OVOL2: variants seen among roughly 807,000 people sequenced by gnomAD.
OVOL2 encodes the protein ovo like zinc finger 2.
Under a neutral mutation model 18.1 loss-of-function variants are expected in OVOL2, and 13 were observed. The observed-to-expected ratio is 0.72, with a 90% CI of 0.47 to 1.14. The LOEUF (loss-of-function observed/expected upper bound fraction) is 1.14. Among genes scored for constraint, OVOL2 ranks in the 50% most tolerant of loss-of-function variants. The pLI, the probability that OVOL2 is intolerant of heterozygous loss-of-function variation, is 0.00. For synonymous variants in OVOL2, 166 were observed against 162.7 expected (o/e 1.02, Z -0.16); for missense variants, 335 against 383.0 (o/e 0.87, Z 1.05).
chr20:18,030,667 C>CT (rs11481109), intron 3 of OVOL2, among the ~76,000 whole-genome samples: 20,677 of 152,106 alleles, frequency 0.14, 1,554 homozygotes, highest in East Asian at 0.31. Context: ...GCAGTGGGGG[C>CT]TTTTTTTCCA....
At chr20:18,054,148 C>T (rs1568640741) in intron 2 of OVOL2, among the ~76,000 whole-genome samples, 1 of 152,228 alleles carries the variant, frequency 6.6e-6, no homozygotes, top group Non-Finnish European at 1.5e-5. Flanking sequence ...GTTCTACCCT[C>T]CACTCATTTA....
chr20:18,024,457 C>G lies in OVOL2; in HGVS notation c.*179G>C. ...ACAGGACACAGGTTACAGGGCCTGA[C>G]GTCACTAACGGCAACTGACAATCTT... On this transcript the variant is annotated 3_prime_UTR_variant, in exon 4 of 4. Transcript: ENST00000278780. The G allele has an allele frequency of 7.5e-7, 1 of 1,330,040 alleles. No homozygotes were observed. The allele number at this position is 1,330,040 out of a possible 1,614,324, so 82.4% of individuals were successfully genotyped here. A position where few individuals can be genotyped will look rare whatever the true frequency, so the allele number is the denominator to read the frequency against.
At position 18,056,400 on chromosome 20, in the gene OVOL2, T is replaced by A. The variant is rs906391899; in HGVS notation, c.321+257A>T. 3.3e-5 allele frequency among the ~76,000 whole-genome samples: 5 copies of A among 151,966 alleles called. No homozygotes were observed. The highest frequency in any genetic ancestry group is 1.2e-4 in the African/African-American group (5 of 41,318). On this transcript the variant is annotated intron_variant, in intron 2 of 3. Coordinates refer to ENST00000278780, the MANE Select transcript of OVOL2 (RefSeq NM_021220.4). The surrounding 1 kb of genome is among the most constrained non-coding windows in gnomAD (Gnocchi z 4.2). ...GCAGTTCCAGAGGCAGCACTCGGCA[T>A]CAGGCGGGGCCACCGGGAGGACGGA...
In OVOL2 at chr20:18,056,847, G is replaced by T; in HGVS notation, c.131C>A (p.Pro44His). 2 of 1,487,926 alleles carry T rather than the reference G, an allele frequency of 1.3e-6. No individual in the cohort carries two copies. The highest frequency in any genetic ancestry group is 1.8e-6 in the Non-Finnish European group (2 of 1,127,136). 92.2% of individuals were successfully genotyped at this position (1,487,926 alleles called of 1,614,324 possible). Reference protein sequence around the residue: ...VGLGRLLHDPPEDCRSDGGSS... With the variant: ...VGLGRLLHDPHEDCRSDGGSS... ...GCCGCCGTCGCTGCGGCAGTCCTCG[G>T]GGGGGTCGTGGAGCAGGCGGCCTAG... The change falls in exon 2 of 4, where the codon CCC (proline) becomes CAC (histidine). Residue 44 changes from proline to histidine, a missense_variant. Coordinates refer to ENST00000278780, the MANE Select transcript of OVOL2 (RefSeq NM_021220.4). The surrounding 1 kb of genome is among the most constrained non-coding windows in gnomAD (Gnocchi z 4.2).
At position 18,024,199 on chromosome 20, in the gene OVOL2, A is replaced by G. The variant is rs545569786; in HGVS notation, c.*437T>C. 1 of 162,600 alleles carries G rather than the reference A, an allele frequency of 6.2e-6. No individual in the cohort carries two copies. Among genetic ancestry groups the G allele is most frequent in the South Asian group, 1.7e-4 (1 of 5,788 alleles). The allele number at this position is 162,600 out of a possible 1,614,324, so 10.1% of individuals were successfully genotyped here. A position where few individuals can be genotyped will look rare whatever the true frequency, so the allele number is the denominator to read the frequency against. On this transcript the variant is annotated 3_prime_UTR_variant, in exon 4 of 4. Transcript: ENST00000278780. ...AAAGCTTCACAAGAACATTTCATTT[A>G]TTAAAATAGTTTCTGTAAACTCTTT...
Position 18,057,460 on chromosome 20 carries a change from G to A in OVOL2, c.100+75C>T, listed in dbSNP as rs2036840465. Reference sequence around the variant, plus strand: ...AGGTGGGGAGCCCGCCCCTGCCGATGAGCAGAGAAGACCCGCCACCCCTTC... The same window carrying A: ...AGGTGGGGAGCCCGCCCCTGCCGATAAGCAGAGAAGACCCGCCACCCCTTC... On this transcript the variant is annotated intron_variant, in intron 1 of 3. Coordinates refer to ENST00000278780, the MANE Select transcript of OVOL2 (RefSeq NM_021220.4). The surrounding 1 kb of genome is among the most constrained non-coding windows in gnomAD (Gnocchi z 6.3). The A allele has an allele frequency of 3.4e-6, 5 of 1,487,682 alleles. No homozygotes were observed. The highest frequency in any genetic ancestry group is 1.4e-5 in the African/African-American group (1 of 70,748). The allele number at this position is 1,487,682 out of a possible 1,614,324, so 92.2% of individuals were successfully genotyped here. A position where few individuals can be genotyped will look rare whatever the true frequency, so the allele number is the denominator to read the frequency against.
At chr20:18,048,200 T>A (rs2036741302) in intron 2 of OVOL2, among the ~76,000 whole-genome samples, 1 of 151,538 alleles carries the variant, frequency 6.6e-6, no homozygotes, top group African/African-American at 2.4e-5. Context: ...GGCACGAGAA[T>A]CACTTGAACC....
Position 18,024,443 on chromosome 20 carries a change from G to A in OVOL2, c.*193C>T. On this transcript the variant is annotated 3_prime_UTR_variant, in exon 4 of 4. Transcript: ENST00000278780. The stretch of plus-strand genomic sequence containing the variant: ...AGCAACTGCGCCAGACAGGACACAG[G>A]TTACAGGGCCTGACGTCACTAACGG... 1 of 1,263,354 alleles carries A rather than the reference G, an allele frequency of 7.9e-7. No individual in the cohort carries two copies. Among genetic ancestry groups the A allele is most frequent in the South Asian group, 1.8e-5 (1 of 56,350 alleles). 78.3% of individuals were successfully genotyped at this position (1,263,354 alleles called of 1,614,324 possible).
In OVOL2 at chr20:18,024,594, CAT is replaced by C; in HGVS notation, c.*40_*41del. The stretch of plus-strand genomic sequence containing the variant: ...GCTGAAAACCAAAAATCCACGTAGA[CAT>C]ACGTGGCAGTGTGAACGTCTGTCCT... On this transcript the variant is annotated 3_prime_UTR_variant, in exon 4 of 4. Transcript: ENST00000278780. The C allele has an allele frequency of 6.6e-7, 1 of 1,509,346 alleles. No individual in the cohort carries two copies. Among genetic ancestry groups the C allele is most frequent in the Non-Finnish European group, 8.9e-7 (1 of 1,124,668 alleles). The allele number at this position is 1,509,346 out of a possible 1,614,324, so 93.5% of individuals were successfully genotyped here. A position where few individuals can be genotyped will look rare whatever the true frequency, so the allele number is the denominator to read the frequency against.
intron 3 of OVOL2, among the ~76,000 whole-genome samples, chr20:18,031,935 C>CTA: frequency 6.6e-6 from 1 of 152,314 alleles, no homozygotes; most frequent in East Asian, 1.9e-4. Context: ...GCTTTCCTTG[C>CTA]TATAGCTCAA....
At chr20:18,035,427 C>T (rs2036607628) in intron 3 of OVOL2, among the ~76,000 whole-genome samples, 1 of 152,190 alleles carries the variant, frequency 6.6e-6, no homozygotes, top group Non-Finnish European at 1.5e-5. Context: ...CACTGTACTC[C>T]AGCCTGGGCA....
intron 3 of OVOL2, among the ~76,000 whole-genome samples, chr20:18,032,355 AAAG>A (rs2036578880): frequency 7.0e-6 from 1 of 143,648 alleles, no homozygotes; most frequent in African/African-American, 2.8e-5. Flanking sequence ...AAAGAAAAGA[AAAG>A]AAAAAAGAAG....
In OVOL2 at chr20:18,053,487, G is replaced by T. The variant is rs547561166; in HGVS notation, c.321+3170C>A. On this transcript the variant is annotated intron_variant, in intron 2 of 3. Transcript: ENST00000278780. Reference sequence around the variant, plus strand: ...AGGCCAAGGTGGGCAGATCACCTGAGGTCAGGAGTTCAAGACCAGCCTGGA... The same window carrying T: ...AGGCCAAGGTGGGCAGATCACCTGATGTCAGGAGTTCAAGACCAGCCTGGA... Among the ~76,000 whole-genome samples, 3 of 152,212 alleles carry T rather than the reference G, an allele frequency of 2.0e-5. No individual in the cohort carries two copies. The East Asian group carries it at 5.8e-4, about 29-fold the overall frequency.
Position 18,057,599 on chromosome 20 carries a change from C to T in OVOL2, c.36G>A (p.Leu12=), listed in dbSNP as rs761611417. The stretch of plus-strand genomic sequence containing the variant: ...CATCCCAGCTGCGGACCGAGACCCC[C>T]AGGCTCCTCCTCTTCACCAGGAAGA... The part of the protein sequence containing the change: ...PKVFLVKRRS[L]GVSVRSWDEL... The change falls in exon 1 of 4, where the codon CTG becomes CTA. Residue 12 remains leucine, a synonymous_variant. Coordinates refer to ENST00000278780, the MANE Select transcript of OVOL2 (RefSeq NM_021220.4). This position sits in a 1 kb window ranked among gnomAD's most constrained non-coding sequence, Gnocchi z 6.3. 6.9e-6 allele frequency: 11 copies of T among 1,596,598 alleles called. No individual in the cohort carries two copies. Among genetic ancestry groups the T allele is most frequent in the Non-Finnish European group, 7.7e-6 (9 of 1,171,334 alleles).
chr20:18,024,408 G>T lies in OVOL2; in HGVS notation c.*228C>A. 1 of 846,404 alleles carries T rather than the reference G, an allele frequency of 1.2e-6. No homozygotes were observed. Among genetic ancestry groups the T allele is most frequent in the Non-Finnish European group, 1.6e-6 (1 of 613,248 alleles). The allele number at this position is 846,404 out of a possible 1,614,324, so 52.4% of individuals were successfully genotyped here. On this transcript the variant is annotated 3_prime_UTR_variant, in exon 4 of 4. Transcript: ENST00000278780. ...CATCAGGATCATGAAAACAAACTTT[G>T]GTGAATGTGAGCAACTGCGCCAGAC...
At chr20:18,025,789 C>T (rs1440141523) in intron 3 of OVOL2, among the ~76,000 whole-genome samples, 1 of 152,214 alleles carries the variant, frequency 6.6e-6, no homozygotes, top group African/African-American at 2.4e-5. Context: ...GTGGCACACA[C>T]CTTGGCGTCA....
At chr20:18,055,562 A>G (rs990241865) in intron 2 of OVOL2, among the ~76,000 whole-genome samples, 1 of 152,182 alleles carries the variant, frequency 6.6e-6, no homozygotes, top group African/African-American at 2.4e-5. Flanking sequence ...CTCAAACCTC[A>G]GTTCAAAACC....
At chr20:18,026,965 G>C (rs553349583) in intron 3 of OVOL2, among the ~76,000 whole-genome samples, 63 of 152,206 alleles carry the variant, frequency 4.1e-4, no homozygotes, top group African/African-American at 1.4e-3. Flanking sequence ...ACAGAGGGAG[G>C]GGCCAAGGGC....
At chr20:18,034,649 T>A (rs868197961) in intron 3 of OVOL2, among the ~76,000 whole-genome samples, 288 of 145,066 alleles carry the variant, frequency 2.0e-3, no homozygotes, top group Admixed American at 3.1e-3. Context: ...TCTCTCTCTC[T>A]CTCACACACA....
Sources: allele counts gnomAD v4.1 joint callset (sites outside exome capture counted in the v4.1 genomes callset), GRCh38; gene constraint gnomAD v4.1.1; non-coding constraint Gnocchi (gnomAD v3.1); transcripts MANE v1.5; gene names NCBI Gene and HGNC (gene_info 2026-07-23, HGNC 2026-07-21).